Variants in AACS observed in about 807,000 individuals in gnomAD.
The protein encoded by AACS is acetoacetate-CoA ligase.
In AACS, 69 loss-of-function variants were observed where a neutral mutation model predicts 83.1. The observed-to-expected ratio is 0.83, with a 90% CI of 0.68 to 1.01. AACS has a LOEUF of 1.01. Ranked by LOEUF, AACS falls within the 50% of genes least tolerant of loss-of-function variation. The pLI, the probability that AACS is intolerant of heterozygous loss-of-function variation, is 0.00. For missense variants in AACS, 866 were observed against 882.2 expected (o/e 0.98, Z 0.23); for synonymous variants, 333 against 343.4 (o/e 0.97, Z 0.33).
At chr12:125,111,333 A>G (rs1956949256) in intron 8 of AACS, among the ~76,000 whole-genome samples, 1 of 152,012 alleles carries the variant, frequency 6.6e-6, no homozygotes, top group Non-Finnish European at 1.5e-5. Context: ...GTATGTGGCC[A>G]AACAAGACAT....
Position 125,136,695 on chromosome 12 carries a change from G to T in AACS, c.1712G>T (p.Cys571Phe), listed in dbSNP as rs1334597061. The T allele has an allele frequency of 6.2e-7, 1 of 1,614,068 alleles. No individual in the cohort carries two copies. The highest frequency in any genetic ancestry group is 8.5e-7 in the Non-Finnish European group (1 of 1,180,012). ...ESFEEVEDSLCVPQYNKYREE... is the reference protein window; with the variant it reads ...ESFEEVEDSLFVPQYNKYREE... The stretch of plus-strand genomic sequence containing the variant: ...TTCGAGGAGGTGGAGGACAGCCTGT[G>T]TGTCCCCCAGTATAACAAGTACAGG... Residue 571 changes from cysteine (C) to phenylalanine (F), a missense_variant, in exon 17 of 18, where the codon TGT becomes TTT. Cys to Phe is a radical substitution (Grantham distance 205). Coordinates refer to ENST00000316519, the MANE Select transcript of AACS (RefSeq NM_023928.5).
chr12:125,085,504 C>T (rs1162493428), intron 3 of AACS, among the ~76,000 whole-genome samples: 1 of 151,250 alleles, frequency 6.6e-6, no homozygotes, highest in African/African-American at 2.4e-5. Flanking sequence ...GTTGCATCCA[C>T]ATGTGTTTCA....
chr12:125,125,023 A>C lies in AACS; in HGVS notation c.1308A>C (p.Ser436=), dbSNP rs186498083. The change falls in exon 12 of 18, where the codon TCA becomes TCC. Residue 436 remains serine (S), a splice_region_variant and synonymous_variant. Transcript: ENST00000316519. The part of the protein sequence containing the change: ...IKSSILLGSI[S]GGTDIISCFM... Reference sequence around the variant, plus strand: ...GCAGCATCCTCCTGGGCTCCATCTCAGGTATGGCCCCGGTGGGGACAGTCC... The same window carrying C: ...GCAGCATCCTCCTGGGCTCCATCTCCGGTATGGCCCCGGTGGGGACAGTCC... The C allele has an allele frequency of 2.3e-4, 367 of 1,614,126 alleles. 3 individuals are homozygous for C. In the Admixed American group the frequency reaches 6.0e-3, roughly 27 times the overall value.
At chr12:125,095,185 G>C (rs1013171652) in intron 5 of AACS, among the ~76,000 whole-genome samples, 2 of 152,204 alleles carry the variant, frequency 1.3e-5, no homozygotes, top group African/African-American at 2.4e-5. Flanking sequence ...CATGAAAGCT[G>C]TCCTCGAGCA....
intron 10 of AACS, among the ~76,000 whole-genome samples, chr12:125,119,045 A>G (rs1443900213): frequency 6.6e-6 from 1 of 152,240 alleles, no homozygotes; most frequent in African/African-American, 2.4e-5. Context: ...ATTTCTTTTA[A>G]GAATCTATTT....
chr12:125,070,672 G>A (rs894670987), intron 1 of AACS, among the ~76,000 whole-genome samples: 1 of 152,186 alleles, frequency 6.6e-6, no homozygotes, highest in Non-Finnish European at 1.5e-5. Context: ...AGCTCTCTCT[G>A]TATGTCGGGC....
At chr12:125,091,727 C>T (rs1239274934) in intron 5 of AACS, among the ~76,000 whole-genome samples, 2 of 152,230 alleles carry the variant, frequency 1.3e-5, no homozygotes, top group Non-Finnish European at 2.9e-5. Context: ...CGTTCCCCCA[C>T]TCCTCGCCGT....
intron 3 of AACS, among the ~76,000 whole-genome samples, chr12:125,083,646 GA>G (rs1956257288): frequency 6.6e-6 from 1 of 151,892 alleles, no homozygotes; most frequent in Non-Finnish European, 1.5e-5. Context: ...TAAAAGAAGT[GA>G]ATTTTTTTGT....
chr12:125,085,659 A>G lies in AACS; in HGVS notation c.359-671A>G, dbSNP rs562986492. ...CTGTCTTTGCTGGTGTACTCTGTTT[A>G]TGGAGGATGTAGCCACTGGGGCAGC... On this transcript the variant is annotated intron_variant, in intron 3 of 17. Transcript: ENST00000316519. Among the ~76,000 whole-genome samples the G allele has an allele frequency of 4.6e-5, 7 of 152,254 alleles. No homozygotes were observed. In the South Asian group the frequency reaches 1.2e-3, roughly 27 times the overall value.
At chr12:125,093,004 T>C (rs1052914099) in intron 5 of AACS, among the ~76,000 whole-genome samples, 1 of 152,190 alleles carries the variant, frequency 6.6e-6, no homozygotes, top group Non-Finnish European at 1.5e-5. Context: ...GCAAGTGCCC[T>C]GGTGTCCCCA....
chr12:125,104,860 G>A (rs182233190), intron 7 of AACS, among the ~76,000 whole-genome samples: 85 of 152,328 alleles, frequency 5.6e-4, no homozygotes, highest in African/African-American at 1.6e-3. Context: ...TAAGAAAAGA[G>A]GTTTAATTGG....
At chr12:125,136,101 GGGCAGT>G (rs1957396877) in intron 16 of AACS, 1 of 153,712 alleles carries the variant, frequency 6.5e-6, no homozygotes, top group South Asian at 2.0e-4. Context: ...CCAGGCTGGG[GGGCAGT>G]GGCGCCATCA....
In AACS at chr12:125,065,540, C is replaced by T; in HGVS notation, c.-45C>T. 6.8e-7 allele frequency: 1 copy of T among 1,466,302 alleles called. No individual in the cohort carries two copies. The highest frequency in any genetic ancestry group is 3.0e-5 in the East Asian group (1 of 33,858). 90.8% of individuals were successfully genotyped at this position (1,466,302 alleles called of 1,614,324 possible). On this transcript the variant is annotated 5_prime_UTR_variant, in exon 1 of 18. Coordinates refer to ENST00000316519, the MANE Select transcript of AACS (RefSeq NM_023928.5). The stretch of plus-strand genomic sequence containing the variant: ...CCCGGCCCTCGCCTCAGCCCCGGCC[C>T]CTGGTCCCCAGCCCTCGTCGCAGCC...
intron 17 of AACS, chr12:125,138,802 C>CA (rs1257381280): frequency 2.6e-5 from 4 of 152,116 alleles, no homozygotes; most frequent in Non-Finnish European, 5.9e-5. Flanking sequence ...TTCGAGCCCT[C>CA]ACGGCAGGCT....
intron 3 of AACS, among the ~76,000 whole-genome samples, chr12:125,084,771 C>T (rs115174060): frequency 0.019 from 2,886 of 152,042 alleles, 86 homozygotes; most frequent in African/African-American, 0.066. Context: ...TTTGTAGAGA[C>T]GAGGTTTTAC....
In AACS at chr12:125,136,714, G is replaced by A. The variant is rs773821115; in HGVS notation, c.1731G>A (p.Lys577=). The change falls in exon 17 of 18, where the codon AAG becomes AAA. Residue 577 remains lysine (K), a synonymous_variant. Coordinates refer to ENST00000316519, the MANE Select transcript of AACS (RefSeq NM_023928.5). ...EDSLCVPQYN[K]YREERVILFL... ...GCCTGTGTGTCCCCCAGTATAACAA[G>A]TACAGGGAGGAGAGGGTGATCCTCT... The A allele has an allele frequency of 3.7e-6, 6 of 1,614,156 alleles. No individual in the cohort carries two copies. In the South Asian group the frequency reaches 6.6e-5, roughly 18 times the overall value.
Position 125,094,183 on chromosome 12 carries a change from C to T in AACS, c.570+2660C>T, listed in dbSNP as rs968504643. 2.6e-5 allele frequency among the ~76,000 whole-genome samples: 4 copies of T among 152,230 alleles called. No individual in the cohort carries two copies. The highest frequency in any genetic ancestry group is 2.1e-4 in the South Asian group (1 of 4,824). On this transcript the variant is annotated intron_variant, in intron 5 of 17. Transcript: ENST00000316519. The surrounding 1 kb of genome is among the most constrained non-coding windows in gnomAD (Gnocchi z 4.1). Reference sequence around the variant, plus strand: ...CTGGGCTCGTGGACAGTTCCTGCATCGGTTTGCAGATCTCTACTTAAAAAA... The same window carrying T: ...CTGGGCTCGTGGACAGTTCCTGCATTGGTTTGCAGATCTCTACTTAAAAAA...
chr12:125,085,710 C>G (rs1956324969), intron 3 of AACS, among the ~76,000 whole-genome samples: 1 of 151,934 alleles, frequency 6.6e-6, no homozygotes, highest in Non-Finnish European at 1.5e-5. Flanking sequence ...TGGGACCTCT[C>G]TGTTCTTTCT....
intron 3 of AACS, among the ~76,000 whole-genome samples, chr12:125,076,813 G>T (rs1393424951): frequency 6.6e-6 from 1 of 152,212 alleles, no homozygotes; most frequent in Non-Finnish European, 1.5e-5. Flanking sequence ...GCAAAATGGA[G>T]ATACTCAGTA....
Sources: gnomAD v4.1 joint callset for allele counts (sites outside exome capture counted in the v4.1 genomes callset) on GRCh38, gnomAD v4.1.1 for gene constraint, Gnocchi (gnomAD v3.1) non-coding constraint, MANE v1.5 for transcripts, NCBI Gene and HGNC (gene_info 2026-07-23, HGNC 2026-07-21) for gene names.